Variants in MRTFB observed in about 807,000 individuals in gnomAD.
MRTFB encodes myocardin related transcription factor B.
In MRTFB, 29 loss-of-function variants were observed where a neutral mutation model predicts 104.2. The observed-to-expected ratio is 0.28, with a 90% CI of 0.21 to 0.38. The LOEUF (loss-of-function observed/expected upper bound fraction) is 0.38. Ranked by LOEUF, MRTFB falls within the 10% of genes least tolerant of loss-of-function variation. The pLI is 1.00. For synonymous variants in MRTFB, 535 were observed against 519.5 expected (o/e 1.03, Z -0.41); for missense variants, 1,270 against 1,341.6 (o/e 0.95, Z 0.83).
At chr16:14,117,998 A>G (rs992047336) in intron 2 of MRTFB, among the ~76,000 whole-genome samples, 5 of 152,192 alleles carry the variant, frequency 3.3e-5, no homozygotes, top group Non-Finnish European at 7.3e-5. Flanking sequence ...TAGCTTAGTC[A>G]AATCTTAACA....
At chr16:14,228,624 C>T (rs1369496038) in intron 8 of MRTFB, among the ~76,000 whole-genome samples, 2 of 152,018 alleles carry the variant, frequency 1.3e-5, no homozygotes, top group African/African-American at 4.8e-5. Flanking sequence ...TTTGTATATC[C>T]CTGTTCATAG....
At position 14,104,793 on chromosome 16, in the gene MRTFB, G is replaced by A. The variant is rs12324988; in HGVS notation, c.-64+25439G>A. ...TGTAGGCACCGCAGTCCATTTTCAC[G>A]GAATAGCTATTCCATTCATTGGATA... On this transcript the variant is annotated intron_variant, in intron 2 of 16. Coordinates refer to ENST00000571589, the MANE Select transcript of MRTFB (RefSeq NM_001308142.2). Among the ~76,000 whole-genome samples the A allele has an allele frequency of 6.0e-3, 910 of 152,242 alleles. 9 individuals carry two copies. The highest frequency in any genetic ancestry group is 0.02 in the African/African-American group (846 of 41,542).
intron 3 of MRTFB, among the ~76,000 whole-genome samples, chr16:14,207,021 G>A (rs1002129920): frequency 1.3e-5 from 2 of 151,378 alleles, no homozygotes; most frequent in Non-Finnish European, 2.9e-5. Flanking sequence ...TCTTCCTAAC[G>A]TCGCTTAAAA....
intron 2 of MRTFB, among the ~76,000 whole-genome samples, chr16:14,138,886 GA>G (rs1282935247): frequency 6.6e-6 from 1 of 152,000 alleles, no homozygotes; most frequent in Non-Finnish European, 1.5e-5. Flanking sequence ...AAAAAAACCT[GA>G]AAAAAAGTTG....
intron 16 of MRTFB, among the ~76,000 whole-genome samples, chr16:14,259,978 T>C (rs979030521): frequency 6.6e-6 from 1 of 152,242 alleles, no homozygotes; most frequent in African/African-American, 2.4e-5. Flanking sequence ...GTATTGTTAA[T>C]TTATTTTTCC....
At chr16:14,022,261 G>T in the MRTFB span, among the ~76,000 whole-genome samples, 2 of 152,126 alleles carry the variant, frequency 1.3e-5, no homozygotes, top group African/African-American at 4.8e-5. Context: ...TTTTACCCTG[G>T]CTCCAACACT....
the MRTFB span, among the ~76,000 whole-genome samples, chr16:14,061,145 C>CA: frequency 4.1e-4 from 59 of 143,406 alleles, no homozygotes; most frequent in African/African-American, 9.0e-4. Context: ...GACTCCGTCT[C>CA]AAAAAAAAAA....
At chr16:14,065,956 C>G in the MRTFB span, among the ~76,000 whole-genome samples, 1 of 152,112 alleles carries the variant, frequency 6.6e-6, no homozygotes, top group Non-Finnish European at 1.5e-5. Context: ...ATTTGCTCCT[C>G]TTTTTCATTC....
At chr16:14,123,416 C>G (rs1229097893) in intron 2 of MRTFB, among the ~76,000 whole-genome samples, 1 of 152,114 alleles carries the variant, frequency 6.6e-6, no homozygotes, top group African/African-American at 2.4e-5. Flanking sequence ...GGTTTTAGGT[C>G]TTACATTTAA....
chr16:14,072,091 G>A (rs72783431), intron 1 of MRTFB, among the ~76,000 whole-genome samples: 8,583 of 152,190 alleles, frequency 0.056, 496 homozygotes, highest in East Asian at 0.3. Context: ...TGGAGCCCAG[G>A]GCTTGCCTTA....
At chr16:14,126,711 C>T (rs1209899018) in intron 2 of MRTFB, among the ~76,000 whole-genome samples, 1 of 152,022 alleles carries the variant, frequency 6.6e-6, no homozygotes, top group Non-Finnish European at 1.5e-5. Context: ...CGTTTGTCAC[C>T]CCCAGCTTTA....
intron 9 of MRTFB, among the ~76,000 whole-genome samples, chr16:14,235,185 C>T (rs949112550): frequency 3.3e-5 from 5 of 152,176 alleles, no homozygotes; most frequent in Non-Finnish European, 5.9e-5. Context: ...GCATATTCCT[C>T]ACGGCCCTAA....
intron 2 of MRTFB, among the ~76,000 whole-genome samples, chr16:14,082,822 C>T (rs2034488620): frequency 6.6e-6 from 1 of 151,990 alleles, no homozygotes; most frequent in Non-Finnish European, 1.5e-5. Flanking sequence ...AATAAAATGA[C>T]AAGATTGCTT....
chr16:14,058,866 G>A, the MRTFB span, among the ~76,000 whole-genome samples: 11 of 151,466 alleles, frequency 7.3e-5, no homozygotes, highest in African/African-American at 1.2e-4. Context: ...TTATGGGTGC[G>A]TGCCACCACG....
intron 2 of MRTFB, among the ~76,000 whole-genome samples, chr16:14,127,931 T>A (rs7186183): frequency 0.061 from 1,686 of 27,662 alleles, 3 homozygotes; most frequent in South Asian, 0.067. Flanking sequence ...ATATATATAT[T>A]TTTTTTTTTT....
At chr16:14,054,097 C>G in the MRTFB span, among the ~76,000 whole-genome samples, 6,284 of 152,292 alleles carry the variant, frequency 0.041, 171 homozygotes, top group Middle Eastern at 0.061. Flanking sequence ...TGCCACTGCC[C>G]TCAAACACAC....
chr16:14,001,034 T>C, the MRTFB span, among the ~76,000 whole-genome samples: 1 of 152,280 alleles, frequency 6.6e-6, no homozygotes, highest in Non-Finnish European at 1.5e-5. Context: ...ATGACAGCTT[T>C]TCCTATGCTG....
upstream of MRTFB, among the ~76,000 whole-genome samples, chr16:14,068,636 C>CT (rs1433706431): frequency 6.6e-6 from 1 of 152,140 alleles, no homozygotes; most frequent in Admixed American, 6.5e-5. Flanking sequence ...CCTCTCACCT[C>CT]TTATGTTCCT....
chr16:14,043,699 C>G, the MRTFB span, among the ~76,000 whole-genome samples: 1 of 152,178 alleles, frequency 6.6e-6, no homozygotes, highest in African/African-American at 2.4e-5. Context: ...GTGGCCCTAG[C>G]TCCTGAGGTT....
Sources: gnomAD v4.1 joint callset for allele counts (sites outside exome capture counted in the v4.1 genomes callset) on GRCh38, gnomAD v4.1.1 for gene constraint, MANE v1.5 for transcripts, NCBI Gene and HGNC (gene_info 2026-07-23, HGNC 2026-07-21) for gene names.